The following TRPM3 variants were observed in gnomAD, a reference collection of about 807,000 sequenced individuals.
The protein encoded by TRPM3 is transient receptor potential cation channel subfamily M member 3.
In TRPM3, 77 loss-of-function variants were observed where a neutral mutation model predicts 181.2. The ratio of observed to expected loss-of-function variants is 0.42; its 90% CI spans 0.35 to 0.51. TRPM3 has a LOEUF of 0.51. TRPM3 is among the 20% of genes least tolerant of loss of function. The pLI, the probability that TRPM3 is intolerant of heterozygous loss-of-function variation, is 0.01. For missense variants in TRPM3, 1,759 were observed against 2,196.7 expected, an observed-to-expected ratio of 0.80 and a Z score of 3.98; for synonymous variants, 745 against 796.4, an observed-to-expected ratio of 0.94 and a Z score of 1.09.
intron 1 of TRPM3, among the ~76,000 whole-genome samples, chr9:71,082,246 G>T (rs919507811): frequency 2.6e-5 from 4 of 152,186 alleles, no homozygotes; most frequent in Non-Finnish European, 5.9e-5. Context: ...GTTTGCTTTA[G>T]ATTTGATTAT....
rs564710534 is a variant in TRPM3 at position 70,581,099 on chromosome 9, A to G, written c.3223+9932T>C. Among the ~76,000 whole-genome samples the G allele has an allele frequency of 9.2e-5, 14 of 152,374 alleles. No individual in the cohort carries two copies. The South Asian group carries it at 2.7e-3, about 29-fold the overall frequency. On this transcript the variant is annotated intron_variant, in intron 22 of 25. Coordinates refer to ENST00000677713, the MANE Select transcript of TRPM3 (RefSeq NM_001366145.2). ...TCCTTTGTGTATTAGATTATGAGATATATACACAGAAGAGTCCATAAAACA... is the reference window on the plus strand; with the variant it reads ...TCCTTTGTGTATTAGATTATGAGATGTATACACAGAAGAGTCCATAAAACA...
chr9:70,965,562 T>C (rs1249319596), intron 1 of TRPM3, among the ~76,000 whole-genome samples: 8 of 152,126 alleles, frequency 5.3e-5, no homozygotes, highest in Non-Finnish European at 1.2e-4. Context: ...TTAGTTCTGT[T>C]TATGTGAGGA....
intron 1 of TRPM3, among the ~76,000 whole-genome samples, chr9:71,021,381 A>G (rs1170432369): frequency 6.6e-6 from 1 of 152,208 alleles, no homozygotes. Flanking sequence ...GACAATTTAT[A>G]ACTCAATAAA....
At chr9:70,999,407 G>A (rs1308753429) in intron 1 of TRPM3, among the ~76,000 whole-genome samples, 3 of 152,168 alleles carry the variant, frequency 2.0e-5, no homozygotes, top group Non-Finnish European at 4.4e-5. Flanking sequence ...CTGTACCTGG[G>A]CCTGAACGTG....
chr9:71,133,081 C>T (rs1217976444), intron 1 of TRPM3, among the ~76,000 whole-genome samples: 1 of 151,972 alleles, frequency 6.6e-6, no homozygotes, highest in Admixed American at 6.6e-5. Flanking sequence ...TTCCAAATTG[C>T]TATCCAGTAG....
At chr9:71,101,913 C>T (rs1292196923) in intron 1 of TRPM3, among the ~76,000 whole-genome samples, 5 of 152,166 alleles carry the variant, frequency 3.3e-5, no homozygotes, top group Non-Finnish European at 5.9e-5. Context: ...AGTCCAACAG[C>T]TTTGTCTCTG....
chr9:71,054,454 C>T (rs747731545), intron 1 of TRPM3, among the ~76,000 whole-genome samples: 5 of 151,976 alleles, frequency 3.3e-5, no homozygotes, highest in Admixed American at 6.6e-5. Context: ...GAGGTAGTTA[C>T]GAAGTGAAAT....
At chr9:70,767,863 C>T (rs1002709921) in intron 7 of TRPM3, among the ~76,000 whole-genome samples, 12 of 152,150 alleles carry the variant, frequency 7.9e-5, no homozygotes, top group East Asian at 3.9e-4. Context: ...GCATTCAAAG[C>T]GACTCAGGCA....
intron 9 of TRPM3, among the ~76,000 whole-genome samples, chr9:70,671,429 G>A (rs10868867): frequency 0.66 from 99,736 of 151,868 alleles, 33,162 homozygotes; most frequent in African/African-American, 0.76. Context: ...TAAGGAATAG[G>A]CTTTGGTCTT....
intron 1 of TRPM3, among the ~76,000 whole-genome samples, chr9:71,411,207 G>A (rs59099072): frequency 0.18 from 27,197 of 152,154 alleles, 3,188 homozygotes; most frequent in Middle Eastern, 0.27. Flanking sequence ...CAGTGATGCC[G>A]TCTCCCACCA....
chr9:71,333,119 G>A (rs2090325551), intron 1 of TRPM3, among the ~76,000 whole-genome samples: 1 of 151,862 alleles, frequency 6.6e-6, no homozygotes, highest in African/African-American at 2.4e-5. Context: ...AAAAGATAGT[G>A]ACAATGACAC....
intron 1 of TRPM3, among the ~76,000 whole-genome samples, chr9:71,112,802 C>T (rs143011341): frequency 5.3e-5 from 8 of 152,234 alleles, no homozygotes; most frequent in South Asian, 4.1e-4. Context: ...GCAGGAGAGG[C>T]GAGCTTTATC....
chr9:71,058,298 T>C (rs1007417218), intron 1 of TRPM3, among the ~76,000 whole-genome samples: 1 of 151,908 alleles, frequency 6.6e-6, no homozygotes, highest in African/African-American at 2.4e-5. Context: ...ATTCTCTTGT[T>C]TTCTCCTGCT....
chr9:71,260,043 G>C (rs560042037), intron 1 of TRPM3, among the ~76,000 whole-genome samples: 1 of 152,174 alleles, frequency 6.6e-6, no homozygotes, highest in South Asian at 2.1e-4. Flanking sequence ...AATCCATCTT[G>C]AGTTAATTTT....
intron 1 of TRPM3, among the ~76,000 whole-genome samples, chr9:71,349,989 ATATATATATATATGG>A (rs2091524534): frequency 7.6e-5 from 2 of 26,318 alleles, no homozygotes; most frequent in African/African-American, 1.6e-4. Flanking sequence ...ATATATATAT[ATATATATATATATGG>A]GCCTAAAAAA....
At chr9:70,660,782 T>G (rs1405900117) in intron 9 of TRPM3, among the ~76,000 whole-genome samples, 1 of 152,026 alleles carries the variant, frequency 6.6e-6, no homozygotes, top group Non-Finnish European at 1.5e-5. Flanking sequence ...GCAGCAAGAT[T>G]GAATAAGTAT....
chr9:71,387,092 A>C (rs1019097629), intron 1 of TRPM3, among the ~76,000 whole-genome samples: 1 of 152,164 alleles, frequency 6.6e-6, no homozygotes, highest in Non-Finnish European at 1.5e-5. Flanking sequence ...AAAGAGACCG[A>C]GTATGAATAG....
In TRPM3 at chr9:71,387,648, A is replaced by C. The variant is rs370342924; in HGVS notation, c.183+59005T>G. ...GCAACATTATTTTATTACTTATTAA[A>C]ATATGTATAATATTAAGTAATTTGA... On this transcript the variant is annotated intron_variant, in intron 1 of 24. Transcript: ENST00000357533. Among the ~76,000 whole-genome samples, 12 of 152,184 alleles carry C rather than the reference A, an allele frequency of 7.9e-5. No homozygotes were observed. The South Asian group carries it at 2.5e-3, about 31-fold the overall frequency.
In TRPM3 at chr9:70,970,614, C is replaced by T. The variant is rs559481297; in HGVS notation, c.178-106103G>A. On this transcript the variant is annotated intron_variant, in intron 1 of 25. Transcript: ENST00000677713. ...AGCTTCACATCAATGTCCTGAATAA[C>T]ATTTGCCCATTATCTTGTGTTTCAA... Among the ~76,000 whole-genome samples, 6 of 152,174 alleles carry T rather than the reference C, an allele frequency of 3.9e-5. No individual in the cohort carries two copies. The East Asian group carries it at 5.8e-4, about 15-fold the overall frequency.
Sources: gnomAD v4.1 joint callset for allele counts (sites outside exome capture counted in the v4.1 genomes callset) on GRCh38, gnomAD v4.1.1 for gene constraint, MANE v1.5 for transcripts, NCBI Gene and HGNC (gene_info 2026-07-23, HGNC 2026-07-21) for gene names.